LUZP2: variants seen among roughly 807,000 people sequenced by gnomAD.
LUZP2 encodes the protein leucine zipper protein 2.
A neutral mutation model predicts 51.6 loss-of-function variants in LUZP2; 52 were observed. The ratio of observed to expected loss-of-function variants is 1.01; its 90% confidence interval spans 0.81 to 1.27. The LOEUF is 1.27. Ranked by LOEUF, LUZP2 falls within the 50% of genes most tolerant of loss-of-function variation. The probability of loss-of-function intolerance (pLI) is 0.00; values close to 1 mark genes in which losing one functional copy is unlikely to be tolerated. For synonymous variants in LUZP2, 154 were observed against 137.3 expected (o/e 1.12, Z -0.85); for missense variants, 436 against 395.4 (o/e 1.10, Z -0.87).
At chr11:24,729,100 GT>G in intron 1 of LUZP2, 68 bp from the exon 2 acceptor site, 1 of 636,336 alleles carries the variant, frequency 1.6e-6, no homozygotes, top group Admixed American at 3.0e-5. Context: ...AACTGTGAGT[GT>G]TAGTGATTAT....
At chr11:24,614,003 A>G (rs1287302068) in intron 1 of LUZP2, among the ~76,000 whole-genome samples, 1 of 152,002 alleles carries the variant, frequency 6.6e-6, no homozygotes, top group Non-Finnish European at 1.5e-5. Flanking sequence ...GTAGGTTTCC[A>G]TCAGCTGTGT....
chr11:24,907,875 G>C (rs910288928), intron 6 of LUZP2, among the ~76,000 whole-genome samples: 3 of 152,090 alleles, frequency 2.0e-5, no homozygotes, highest in Non-Finnish European at 1.5e-5. Context: ...TCATGTATTA[G>C]TGTTGCCTAA....
At chr11:24,719,884 G>T (rs148829774) in intron 1 of LUZP2, among the ~76,000 whole-genome samples, 1 of 152,282 alleles carries the variant, frequency 6.6e-6, no homozygotes, top group East Asian at 1.9e-4. Context: ...AGATCCAGTT[G>T]CTTTCACTGA....
chr11:25,077,498 T>A (rs973847975), intron 11 of LUZP2, 92 bp downstream of exon 11: 4 of 477,032 alleles, frequency 8.4e-6, no homozygotes, highest in Non-Finnish European at 1.2e-5. Context: ...ATTTTTTATT[T>A]TTTATTTATT....
At chr11:24,798,839 A>G (rs893836197) in intron 5 of LUZP2, among the ~76,000 whole-genome samples, 3 of 152,108 alleles carry the variant, frequency 2.0e-5, no homozygotes, top group African/African-American at 7.2e-5. Context: ...TCCTGTAGAA[A>G]CAATGCTGTG....
intron 1 of LUZP2, among the ~76,000 whole-genome samples, chr11:24,497,568 A>G (rs1454030951): frequency 2.0e-5 from 3 of 152,204 alleles, no homozygotes; most frequent in African/African-American, 4.8e-5. Context: ...GAGAAAAGAC[A>G]TTTTACCCTC....
At chr11:24,883,032 AAG>A (rs1852537544) in intron 5 of LUZP2, among the ~76,000 whole-genome samples, 1 of 151,918 alleles carries the variant, frequency 6.6e-6, no homozygotes, top group Non-Finnish European at 1.5e-5. Flanking sequence ...AAAGAGAAGA[AAG>A]AGAAAATATG....
intron 9 of LUZP2, among the ~76,000 whole-genome samples, chr11:24,998,559 G>T (rs1307679849): frequency 6.6e-6 from 1 of 152,132 alleles, no homozygotes; most frequent in South Asian, 2.1e-4. Context: ...GGAGTTCCAC[G>T]TATTTCTACA....
rs368143086 is a variant in LUZP2, at chr11:24,799,540, A to G, written c.396+36232A>G. On this transcript the variant is annotated intron_variant, in intron 5 of 11. Transcript: ENST00000336930. Reference sequence around the variant, plus strand: ...TGGGAGGTGGAGGTTGTAGTGAGCCAAGACCACACCATTGCACTCCAGCCT... The same window carrying G: ...TGGGAGGTGGAGGTTGTAGTGAGCCGAGACCACACCATTGCACTCCAGCCT... Among the ~76,000 whole-genome samples, 162 of 152,008 alleles carry G rather than the reference A, an allele frequency of 1.1e-3. 1 individual carries two copies. The highest frequency in any genetic ancestry group is 3.8e-3 in the African/African-American group (157 of 41,436).
chr11:24,977,866 CTCTA>C (rs988843837), intron 8 of LUZP2, among the ~76,000 whole-genome samples: 4 of 150,224 alleles, frequency 2.7e-5, no homozygotes, highest in African/African-American at 9.9e-5. Flanking sequence ...TTATGTTTCT[CTCTA>C]TCTGCTTCTA....
At chr11:24,539,087 T>C (rs1435991319) in intron 1 of LUZP2, among the ~76,000 whole-genome samples, 1 of 151,886 alleles carries the variant, frequency 6.6e-6, no homozygotes, top group African/African-American at 2.4e-5. Flanking sequence ...GAGGAAATAT[T>C]TCACTTTTTA....
chr11:24,605,390 G>T (rs1162813878), intron 1 of LUZP2, among the ~76,000 whole-genome samples: 2 of 151,410 alleles, frequency 1.3e-5, no homozygotes, highest in African/African-American at 4.8e-5. Context: ...GTCATTTGGG[G>T]TATTACAATG....
chr11:24,581,586 G>A (rs1481750490), intron 1 of LUZP2, among the ~76,000 whole-genome samples: 5 of 151,830 alleles, frequency 3.3e-5, no homozygotes, highest in South Asian at 4.2e-4. Flanking sequence ...TGGGAGGATC[G>A]CTTGAACTCG....
intron 10 of LUZP2, among the ~76,000 whole-genome samples, chr11:25,060,435 A>G (rs1858803366): frequency 6.6e-6 from 1 of 152,156 alleles, no homozygotes; most frequent in South Asian, 2.1e-4. Flanking sequence ...AAGGGCTCCA[A>G]CGCCTTATCC....
At chr11:24,697,755 G>T (rs895541328) in intron 1 of LUZP2, among the ~76,000 whole-genome samples, 3 of 152,160 alleles carry the variant, frequency 2.0e-5, no homozygotes, top group Non-Finnish European at 4.4e-5. Context: ...CTGCTCCAGA[G>T]TCATGTAGCT....
At chr11:24,898,842 C>A (rs959348924) in intron 5 of LUZP2, among the ~76,000 whole-genome samples, 2 of 152,008 alleles carry the variant, frequency 1.3e-5, no homozygotes, top group Non-Finnish European at 2.9e-5. Flanking sequence ...GAGTAGGTGG[C>A]AAATGAAGGC....
chr11:24,934,946 C>T (rs1306834349), intron 7 of LUZP2, among the ~76,000 whole-genome samples: 3 of 152,138 alleles, frequency 2.0e-5, no homozygotes, highest in Non-Finnish European at 2.9e-5. Context: ...GATTTGTTTA[C>T]TATTGTCTTA....
chr11:24,775,620 T>G (rs951388536), intron 5 of LUZP2, among the ~76,000 whole-genome samples: 1 of 152,174 alleles, frequency 6.6e-6, no homozygotes, highest in Non-Finnish European at 1.5e-5. Context: ...ATTTGCTGCT[T>G]TTATCAATTA....
At chr11:24,833,702 C>CCACA (rs139583528) in intron 5 of LUZP2, among the ~76,000 whole-genome samples, 1 of 129,844 alleles carries the variant, frequency 7.7e-6, no homozygotes, top group Admixed American at 7.6e-5. Flanking sequence ...ACGCCTGCCA[C>CCACA]CGCGCGCGCG....
Sources: allele counts gnomAD v4.1 joint callset (sites outside exome capture counted in the v4.1 genomes callset), GRCh38; gene constraint gnomAD v4.1.1; transcripts MANE v1.5; gene names NCBI Gene and HGNC (gene_info 2026-07-23, HGNC 2026-07-21).